Variants in PRRC2A observed in about 807,000 individuals in gnomAD.
PRRC2A encodes the protein proline rich coiled-coil 2A.
Under a neutral mutation model 224.6 loss-of-function variants are expected in PRRC2A, and 59 were observed. The observed-to-expected ratio is 0.26, with a 90% confidence interval of 0.21 to 0.33. The LOEUF is 0.33. PRRC2A is among the 10% of genes least tolerant of loss of function. PRRC2A has a pLI of 1.00. For missense variants in PRRC2A, 3,095 were observed against 2,880.7 expected (o/e 1.07, Z -1.70); for synonymous variants, 1,194 against 1,109.5 (o/e 1.08, Z -1.51).
Position 31,625,254 on chromosome 6 carries a change from G to T in PRRC2A, c.547G>T (p.Ala183Ser), listed in dbSNP as rs530847455. Residue 183 changes from alanine to serine, a missense_variant, in exon 6 of 31, where the codon GCC becomes TCC. This residue lies in a region of PRRC2A where 287 missense variants were observed against 275.3 expected (regional missense o/e 1.04). Transcript: ENST00000376033. The surrounding 1 kb of genome is among the most constrained non-coding windows in gnomAD (Gnocchi z 4.1). Reference protein sequence around the residue: ...LQAAGDQDKAAKERESAEQSS... With the variant: ...LQAAGDQDKASKERESAEQSS... ...GGCGGCTGGCGACCAGGACAAGGCT[G>T]CCAAGGAAAGGGAGTCTGCCGAACA... 108 of 1,613,222 alleles carry T rather than the reference G, an allele frequency of 6.7e-5. 1 individual carries two copies. In the South Asian group the frequency reaches 1.1e-3, roughly 17 times the overall value.
At position 31,622,910 on chromosome 6, in the gene PRRC2A, C is replaced by T. The variant is rs926029881; in HGVS notation, c.112+9C>T. 5 of 1,606,178 alleles carry T rather than the reference C, an allele frequency of 3.1e-6. No individual in the cohort carries two copies. Among genetic ancestry groups the T allele is most frequent in the Non-Finnish European group, 4.3e-6 (5 of 1,172,748 alleles). On this transcript the variant is annotated intron_variant, in intron 2 of 30. Transcript: ENST00000376033. ...GATCCAGAAACCCGCTGGTGAGAGT[C>T]CTGCAAAGATGCTTCTGATGGTTGA... is the stretch of plus-strand genomic sequence containing the variant.
rs770566834 is a variant in PRRC2A, at chr6:31,634,889, C to T, written c.5072C>T (p.Ser1691Leu). The T allele has an allele frequency of 1.9e-6, 3 of 1,613,024 alleles. No individual in the cohort carries two copies. The highest frequency in any genetic ancestry group is 1.7e-5 in the Admixed American group (1 of 60,032). Residue 1691 changes from serine to leucine, a missense_variant, in exon 21 of 31, where the codon TCA becomes TTA. Ser to Leu is a moderately radical substitution (Grantham distance 145). Transcript: ENST00000376033. ...CCCCCCAAGAGGCCTGGAGGCTCCT[C>T]ACCCCTGAATGCTGTTCCTTGTGAG... ...EGPPKRPGGS[S>L]PLNAVPCEGP...
At position 31,634,245 on chromosome 6, in the gene PRRC2A, C is replaced by T; in HGVS notation, c.4729C>T (p.Pro1577Ser). Residue 1577 changes from proline (P) to serine (S), a missense_variant, in exon 19 of 31, where the codon CCA (proline) becomes TCA (serine). Physicochemically the swap from Pro to Ser is moderately conservative, Grantham distance 74. Transcript: ENST00000376033. ...CCCTTCTCATCTGTAGGAATCTTTG[C>T]CACCTCCTCATAGCTCTGGATTCTT... ...KPELLQEESL[P>S]PPHSSGFLGS... 1 of 1,582,104 alleles carries T rather than the reference C, an allele frequency of 6.3e-7. No individual in the cohort carries two copies. The highest frequency in any genetic ancestry group is 1.2e-5 in the South Asian group (1 of 86,776).
At position 31,627,288 on chromosome 6, in the gene PRRC2A, G is replaced by T; in HGVS notation, c.1290+90G>T. 1 of 974,604 alleles carries T rather than the reference G, an allele frequency of 1.0e-6. No individual in the cohort carries two copies. The highest frequency in any genetic ancestry group is 1.6e-5 in the South Asian group (1 of 63,204). 60.4% of individuals were successfully genotyped at this position (974,604 alleles called of 1,614,324 possible). A position where few individuals can be genotyped will look rare whatever the true frequency, so the allele number is the denominator to read the frequency against. ...GAAGCGGTTGTGATATAGAGGAAGGGGGGTGCTAAAAATGGGCTGTGTGAA... is the reference window on the plus strand; with the variant it reads ...GAAGCGGTTGTGATATAGAGGAAGGTGGGTGCTAAAAATGGGCTGTGTGAA... On this transcript the variant is annotated intron_variant, in intron 11 of 30. Coordinates refer to ENST00000376033, the MANE Select transcript of PRRC2A (RefSeq NM_004638.4). This position sits in a 1 kb window ranked among gnomAD's most constrained non-coding sequence, Gnocchi z 5.6.
At chr6:31,624,902 G>T (rs9501150) in intron 5 of PRRC2A, 3 of 526,288 alleles carry the variant, frequency 5.7e-6, no homozygotes, top group Non-Finnish European at 1.0e-5. Context: ...GGGTTCAAGC[G>T]ATTTTCCTGC....
chr6:31,628,336 G>A (rs771819716), intron 12 of PRRC2A, 97 bp downstream of exon 12: 7 of 1,459,544 alleles, frequency 4.8e-6, no homozygotes, highest in South Asian at 1.4e-5. Flanking sequence ...TGAAGTAGAA[G>A]GCAGTTGTTT....
rs923113655 is a variant in PRRC2A at position 31,625,665 on chromosome 6, G to C, written c.759+54G>C. On this transcript the variant is annotated intron_variant, in intron 7 of 30. Transcript: ENST00000376033. The surrounding 1 kb of genome is among the most constrained non-coding windows in gnomAD (Gnocchi z 4.1). ...ATTACACTGGAAGCTGGAGAGCTAG[G>C]AATCAGGACTTAGTCTTTGACCTAT... 3 of 1,604,346 alleles carry C rather than the reference G, an allele frequency of 1.9e-6. No individual in the cohort carries two copies. Among genetic ancestry groups the C allele is most frequent in the African/African-American group, 2.7e-5 (2 of 74,652 alleles).
chr6:31,635,156 C>T lies in PRRC2A; in HGVS notation c.5185C>T (p.Pro1729Ser). 6.2e-7 allele frequency: 1 copy of T among 1,614,102 alleles called. No individual in the cohort carries two copies. The highest frequency in any genetic ancestry group is 2.2e-5 in the East Asian group (1 of 44,880). The stretch of plus-strand genomic sequence containing the variant: ...GGAGCTGCCCCGGGAGCAGCCTCTG[C>T]CCCCTGGCCCCATTGGCACAGAACG... ...RKELPREQPL[P>S]PGPIGTERSQ... Residue 1729 changes from proline to serine, a missense_variant, in exon 22 of 31, where the codon CCC becomes TCC. By Grantham distance (74) the Pro-to-Ser change is moderately conservative. Coordinates refer to ENST00000376033, the MANE Select transcript of PRRC2A (RefSeq NM_004638.4).
At chr6:31,633,094 G>A in intron 16 of PRRC2A, 102 bp downstream of exon 16, 1 of 1,360,880 alleles carries the variant, frequency 7.3e-7, no homozygotes, top group South Asian at 1.5e-5. Context: ...TGTGGCCTGA[G>A]GGGCCATGGG....
chr6:31,623,243 G>C (rs766074351), intron 2 of PRRC2A: 2 of 529,608 alleles, frequency 3.8e-6, no homozygotes, highest in African/African-American at 2.1e-5. Flanking sequence ...CAGCCTTCTT[G>C]ATAGGGATTT....
rs1368659598 is a variant in PRRC2A, at chr6:31,625,702, G to A, written c.760-90G>A. The A allele has an allele frequency of 1.3e-6, 2 of 1,579,938 alleles. No homozygotes were observed. The highest frequency in any genetic ancestry group is 1.3e-5 in the African/African-American group (1 of 74,178). ...AGTCTTTGACCTATGAGATAGAAGG[G>A]AGGGTGGGAGGATGATTGATAGCAG... is the stretch of plus-strand genomic sequence containing the variant. On this transcript the variant is annotated intron_variant, in intron 7 of 30. Coordinates refer to ENST00000376033, the MANE Select transcript of PRRC2A (RefSeq NM_004638.4). The surrounding 1 kb of genome is among the most constrained non-coding windows in gnomAD (Gnocchi z 4.1).
intron 14 of PRRC2A, among the ~76,000 whole-genome samples, 178 bp downstream of exon 14, chr6:31,630,023 T>C (rs1776365672): frequency 6.6e-6 from 1 of 152,146 alleles, no homozygotes; most frequent in Non-Finnish European, 1.5e-5. Context: ...AGTTAAGAAA[T>C]AAGCAGTGGT....
rs769161139 is a variant in PRRC2A, at chr6:31,627,981, C to T, written c.1507C>T (p.Arg503Trp). ...TGAAAAGTTTGGGGCACCTGACAAGCGGCTCAAAGCAGAGCCTGCTGCCCC... is the reference window on the plus strand; with the variant it reads ...TGAAAAGTTTGGGGCACCTGACAAGTGGCTCAAAGCAGAGCCTGCTGCCCC... ...LDEKFGAPDK[R>W]LKAEPAAPPA... Residue 503 changes from arginine (R) to tryptophan (W), a missense_variant, in exon 12 of 31, where the codon CGG becomes TGG. By Grantham distance (101) the Arg-to-Trp change is moderately radical. Around this residue, in one of 8 missense-constraint regions of PRRC2A, gnomAD observed 2,001 missense variants for 1,764.9 expected, o/e 1.13. Coordinates refer to ENST00000376033, the MANE Select transcript of PRRC2A (RefSeq NM_004638.4). This position sits in a 1 kb window ranked among gnomAD's most constrained non-coding sequence, Gnocchi z 5.6. The T allele has an allele frequency of 1.4e-5, 23 of 1,612,812 alleles. No homozygotes were observed. Among genetic ancestry groups the T allele is most frequent in the East Asian group, 8.9e-5 (4 of 44,902 alleles).
At chr6:31,623,259 ATT>A (rs3993756) in intron 2 of PRRC2A, 4,537 of 318,212 alleles carry the variant, frequency 0.014, no homozygotes, top group South Asian at 0.028. Context: ...GATTTCATAG[ATT>A]TTTTTTTTTT....
In PRRC2A at chr6:31,635,177, G is replaced by A. The variant is rs779885475; in HGVS notation, c.5206G>A (p.Glu1736Lys). 10 of 1,612,836 alleles carry A rather than the reference G, an allele frequency of 6.2e-6. No homozygotes were observed. The South Asian group carries it at 1.1e-4, about 18-fold the overall frequency. ...QPLPPGPIGT[E>K]RSQRTDRGTE... ...TCTGCCCCCTGGCCCCATTGGCACA[G>A]AACGATCACAGCGTACAGACCGAGG... The change falls in exon 22 of 31, where the codon GAA (glutamate) becomes AAA (lysine). Residue 1736 changes from glutamate (E) to lysine (K), a missense_variant. Glu to Lys is a moderately conservative substitution (Grantham distance 56). Transcript: ENST00000376033.
intron 12 of PRRC2A, 28 bp downstream of exon 12, chr6:31,628,267 G>T: frequency 6.3e-7 from 1 of 1,587,342 alleles, no homozygotes; most frequent in Non-Finnish European, 8.6e-7. Flanking sequence ...GGTACTACCA[G>T]ATGTCAGATC....
Position 31,625,465 on chromosome 6 carries a change from A to G in PRRC2A, c.613A>G (p.Thr205Ala), listed in dbSNP as rs1161423280. The G allele has an allele frequency of 8.1e-6, 13 of 1,597,920 alleles. No homozygotes were observed. The Admixed American group carries it at 8.4e-5, about 10-fold the overall frequency. ...CTACCTTTTCCAAAATACAGATTCTACAACTTGGAGGGACGGAGGTGGGCG... is the reference window on the plus strand; with the variant it reads ...CTACCTTTTCCAAAATACAGATTCTGCAACTTGGAGGGACGGAGGTGGGCG... Reference protein sequence around the residue: ...PGPSLRPQNSTTWRDGGGRGP... With the variant: ...PGPSLRPQNSATWRDGGGRGP... Residue 205 changes from threonine (T) to alanine (A), a missense_variant, in exon 7 of 31, where the codon ACA becomes GCA. Thr to Ala is a moderately conservative substitution (Grantham distance 58). Transcript: ENST00000376033. This position sits in a 1 kb window ranked among gnomAD's most constrained non-coding sequence, Gnocchi z 4.1.
intron 16 of PRRC2A, among the ~76,000 whole-genome samples, 183 bp from the exon 17 acceptor site, chr6:31,633,194 ATT>A (rs1192056089): frequency 2.0e-5 from 3 of 152,164 alleles, no homozygotes; most frequent in Non-Finnish European, 2.9e-5. Flanking sequence ...CCACCTATGT[ATT>A]CATTGCTGGT....
At position 31,629,324 on chromosome 6, in the gene PRRC2A, G is replaced by GGCAGCA; in HGVS notation, c.1951_1956dup (p.Gln651_Gln652dup). 6.4e-7 allele frequency: 1 copy of GGCAGCA among 1,562,382 alleles called. No individual in the cohort carries two copies. Among genetic ancestry groups the GGCAGCA allele is most frequent in the South Asian group, 1.2e-5 (1 of 83,596 alleles). ...AAGTCGTTGCCTCCTCGTTTCCAGC[G>GGCAGCA]GCAGCAGCAGGTGAAATCAAGTTGT... On this transcript the variant is annotated inframe_insertion, in exon 13 of 31. Coordinates refer to ENST00000376033, the MANE Select transcript of PRRC2A (RefSeq NM_004638.4).
Sources: allele counts gnomAD v4.1 joint callset (sites outside exome capture counted in the v4.1 genomes callset), GRCh38; gene constraint gnomAD v4.1.1; regional missense constraint gnomAD v4.1.1; non-coding constraint Gnocchi (gnomAD v3.1); transcripts MANE v1.5; gene names NCBI Gene and HGNC (gene_info 2026-07-23, HGNC 2026-07-21).